Variants in ACBD3 observed in about 807,000 individuals in gnomAD.
ACBD3 encodes the protein acyl-CoA binding domain containing 3.
In ACBD3, 30 loss-of-function variants were observed where a neutral mutation model predicts 66.9. The ratio of observed to expected loss-of-function variants is 0.45; its 90% CI spans 0.34 to 0.61. The LOEUF is 0.61. Ranked by LOEUF, ACBD3 falls within the 20% of genes least tolerant of loss-of-function variation. The pLI is 0.02. For missense variants in ACBD3, 544 were observed against 664.5 expected, an observed-to-expected ratio of 0.82 and a Z score of 1.99; for synonymous variants, 278 against 259.8, an observed-to-expected ratio of 1.07 and a Z score of -0.68.
intron 1 of ACBD3, among the ~76,000 whole-genome samples, chr1:226,185,570 A>G (rs1378402844): frequency 6.6e-6 from 1 of 152,150 alleles, no homozygotes; most frequent in Non-Finnish European, 1.5e-5. Flanking sequence ...CCCACTGACA[A>G]AAATCATGTG....
In ACBD3 at chr1:226,172,306, T is replaced by C. The variant is rs78732339; in HGVS notation, c.287-6306A>G. Among the ~76,000 whole-genome samples the C allele has an allele frequency of 4.7e-3, 721 of 152,186 alleles. 3 individuals are homozygous for C. Among genetic ancestry groups the C allele is most frequent in the Non-Finnish European group, 8.4e-3 (573 of 67,990 alleles). On this transcript the variant is annotated intron_variant, in intron 1 of 7. Coordinates refer to ENST00000366812, the MANE Select transcript of ACBD3 (RefSeq NM_022735.4). Reference sequence around the variant, plus strand: ...CGCCCAGCAAATCTCACAAAAGAAATTGACTTTATGGGTCAACTACTGTGA... The same window carrying C: ...CGCCCAGCAAATCTCACAAAAGAAACTGACTTTATGGGTCAACTACTGTGA...
At chr1:226,162,428 T>C (rs1485967433) in intron 3 of ACBD3, among the ~76,000 whole-genome samples, 1 of 152,214 alleles carries the variant, frequency 6.6e-6, no homozygotes, top group Non-Finnish European at 1.5e-5. Flanking sequence ...AAATTTTATA[T>C]TGCATATATT....
chr1:226,175,111 A>G (rs1656001098), intron 1 of ACBD3, among the ~76,000 whole-genome samples: 1 of 145,776 alleles, frequency 6.9e-6, no homozygotes, highest in African/African-American at 2.5e-5. Context: ...AAAAAAAAAA[A>G]GAAAGAAAAA....
At chr1:226,150,946 C>T (rs897520509) in intron 7 of ACBD3, among the ~76,000 whole-genome samples, 14 of 152,096 alleles carry the variant, frequency 9.2e-5, no homozygotes, top group African/African-American at 1.7e-4. Context: ...GATAATGATA[C>T]GGAATTATCT....
rs1053935902 is a variant in ACBD3, at chr1:226,145,031, A to G, written c.*1579T>C. 7.9e-5 allele frequency: 12 copies of G among 152,630 alleles called. No individual in the cohort carries two copies. The highest frequency in any genetic ancestry group is 1.6e-4 in the Non-Finnish European group (11 of 68,034). The allele number at this position is 152,630 out of a possible 1,614,324, so 9.5% of individuals were successfully genotyped here. A position where few individuals can be genotyped will look rare whatever the true frequency, so the allele number is the denominator to read the frequency against. Reference sequence around the variant, plus strand: ...GGAAGTGCCTAACTCCATGGTTTCTATACCATATGTACATGAAAGCTGACA... The same window carrying G: ...GGAAGTGCCTAACTCCATGGTTTCTGTACCATATGTACATGAAAGCTGACA... On this transcript the variant is annotated 3_prime_UTR_variant, in exon 8 of 8. Transcript: ENST00000366812.
chr1:226,184,885 G>A (rs1471938277), intron 1 of ACBD3, among the ~76,000 whole-genome samples: 2 of 142,564 alleles, frequency 1.4e-5, no homozygotes, highest in African/African-American at 2.6e-5. Context: ...TGCAACCTCC[G>A]CCTCCCGGGT....
chr1:226,181,199 A>G (rs1445865689), intron 1 of ACBD3, among the ~76,000 whole-genome samples: 1 of 152,200 alleles, frequency 6.6e-6, no homozygotes, highest in African/African-American at 2.4e-5. Flanking sequence ...AATAAAAGGG[A>G]AAAAGAACTC....
intron 7 of ACBD3, among the ~76,000 whole-genome samples, chr1:226,148,975 G>C (rs772908186): frequency 1.3e-5 from 2 of 152,136 alleles, no homozygotes; most frequent in Non-Finnish European, 2.9e-5. Context: ...ACAAGTACAG[G>C]GAATGCCATC....
intron 1 of ACBD3, among the ~76,000 whole-genome samples, chr1:226,173,140 G>T (rs1655895257): frequency 6.6e-6 from 1 of 152,084 alleles, no homozygotes; most frequent in African/African-American, 2.4e-5. Context: ...GGGCATGGTG[G>T]CGTGTACCAC....
In ACBD3 at chr1:226,165,765, T is replaced by C. The variant is rs1177023640; in HGVS notation, c.428+94A>G. 2.8e-6 allele frequency: 4 copies of C among 1,416,734 alleles called. No homozygotes were observed. In the African/African-American group the frequency reaches 5.8e-5, roughly 21 times the overall value. 87.8% of individuals were successfully genotyped at this position (1,416,734 alleles called of 1,614,324 possible). ...AAAATGTTCAGTTCTTATCCTAAGCTAATGAACCAGCTACTTACACCTTAA... is the reference window on the plus strand; with the variant it reads ...AAAATGTTCAGTTCTTATCCTAAGCCAATGAACCAGCTACTTACACCTTAA... On this transcript the variant is annotated intron_variant, in intron 2 of 7. Transcript: ENST00000366812.
At chr1:226,156,260 TG>T (rs1191218875) in intron 5 of ACBD3, among the ~76,000 whole-genome samples, 1 of 152,220 alleles carries the variant, frequency 6.6e-6, no homozygotes, top group African/African-American at 2.4e-5. Flanking sequence ...TTTAAAGAAA[TG>T]GGTTGTATAG....
chr1:226,171,449 G>A (rs768306062), intron 1 of ACBD3, among the ~76,000 whole-genome samples: 9 of 150,222 alleles, frequency 6.0e-5, no homozygotes, highest in Non-Finnish European at 4.4e-5. Context: ...GTGCCTGGTC[G>A]AGTTTCAGTA....
intron 2 of ACBD3, 114 bp downstream of exon 2, chr1:226,165,745 G>GT (rs1043459509): frequency 8.1e-7 from 1 of 1,241,000 alleles, no homozygotes; most frequent in African/African-American, 1.6e-5. Context: ...AAGCAAAAAT[G>GT]TTCAGTTCTT....
At chr1:226,154,878 G>C in intron 5 of ACBD3, 45 bp from the exon 6 acceptor site, 1 of 1,526,940 alleles carries the variant, frequency 6.5e-7, no homozygotes, top group Non-Finnish European at 8.8e-7. Flanking sequence ...AGGAAGGCTA[G>C]CAAATAAGAC....
At position 226,159,455 on chromosome 1, in the gene ACBD3, C is replaced by G. The variant is rs1659731526; in HGVS notation, c.729-97G>C. ...TTACTTACTTTTACAGTCTGTAACT[C>G]TTAAAAACAACTAAGCTAGTAATGT... is the stretch of plus-strand genomic sequence containing the variant. On this transcript the variant is annotated intron_variant, in intron 4 of 7. Coordinates refer to ENST00000366812, the MANE Select transcript of ACBD3 (RefSeq NM_022735.4). 3.4e-6 allele frequency: 4 copies of G among 1,161,440 alleles called. No homozygotes were observed. In the Admixed American group the frequency reaches 1.0e-4, roughly 29 times the overall value. The allele number at this position is 1,161,440 out of a possible 1,614,324, so 71.9% of individuals were successfully genotyped here.
chr1:226,161,166 G>GTTTTTT (rs1659766421), intron 4 of ACBD3, among the ~76,000 whole-genome samples: 1 of 52,280 alleles, frequency 1.9e-5, no homozygotes. Flanking sequence ...TTGAGACGGA[G>GTTTTTT]TTTCACTCAT....
intron 5 of ACBD3, 90 bp from the exon 6 acceptor site, chr1:226,154,923 G>T: frequency 6.9e-6 from 8 of 1,156,784 alleles, no homozygotes; most frequent in Non-Finnish European, 9.3e-6. Flanking sequence ...CCATGCTTTT[G>T]CCCTACCAAA....
At chr1:226,182,304 G>C (rs925853091) in intron 1 of ACBD3, among the ~76,000 whole-genome samples, 2 of 151,720 alleles carry the variant, frequency 1.3e-5, no homozygotes, top group Admixed American at 6.6e-5. Context: ...CTAATTTACT[G>C]ACAAAAAGGC....
At chr1:226,169,521 T>TTACAGG (rs1271079242) in intron 1 of ACBD3, among the ~76,000 whole-genome samples, 1 of 150,068 alleles carries the variant, frequency 6.7e-6, no homozygotes, top group Non-Finnish European at 1.5e-5. Flanking sequence ...AGTGCTGGGA[T>TTACAGG]TACAGGCATG....
Sources: gnomAD v4.1 joint callset for allele counts (sites outside exome capture counted in the v4.1 genomes callset) on GRCh38, gnomAD v4.1.1 for gene constraint, MANE v1.5 for transcripts, NCBI Gene and HGNC (gene_info 2026-07-23, HGNC 2026-07-21) for gene names.